Variants in TRRAP observed in about 807,000 individuals in gnomAD.
TRRAP encodes transformation/transcription domain-associated protein.
TRRAP carries 41 observed loss-of-function variants against 438.8 expected under a neutral mutation model. The ratio of observed to expected loss-of-function variants is 0.09; its 90% CI spans 0.07 to 0.12. The LOEUF is 0.12. Ranked by LOEUF, TRRAP falls within the 10% of genes least tolerant of loss-of-function variation. The probability of loss-of-function intolerance (pLI) is 1.00; values close to 1 mark genes in which losing one functional copy is unlikely to be tolerated. For synonymous variants in TRRAP, 1,994 were observed against 1,962.9 expected (o/e 1.02, Z -0.42); for missense variants, 3,122 against 5,055.1 (o/e 0.62, Z 11.60).
chr7:98,950,711 A>C (rs1554418057), intron 38 of TRRAP, among the ~76,000 whole-genome samples, 165 bp from the exon 39 acceptor site: 1 of 152,186 alleles, frequency 6.6e-6, no homozygotes, highest in African/African-American at 2.4e-5. Context: ...TTTTTAACCT[A>C]CCTTTCTAGT....
rs781936104 is a variant in TRRAP, at chr7:98,945,856, CCTTTT to C, written c.4528-53_4528-49del. The C allele has an allele frequency of 4.6e-4, 721 of 1,570,742 alleles. 1 individual carries two copies. Among genetic ancestry groups the C allele is most frequent in the African/African-American group, 5.3e-4 (39 of 73,210 alleles). On this transcript the variant is annotated intron_variant, in intron 32 of 72. Transcript: ENST00000456197. ...GACTTGCAATGTGAAGAAAAGTTTA[CCTTTT>C]CTTTTCTTTTCTTTTCTTTTTACCT...
Position 98,958,067 on chromosome 7 carries a change from C to A in TRRAP, c.6318C>A (p.Asn2106Lys), listed in dbSNP as rs1791707744. The A allele has an allele frequency of 1.2e-6, 2 of 1,614,052 alleles. No individual in the cohort carries two copies. Among genetic ancestry groups the A allele is most frequent in the Non-Finnish European group, 1.7e-6 (2 of 1,180,024 alleles). Residue 2106 changes from asparagine to lysine, a missense_variant, in exon 44 of 73, where the codon AAC (asparagine) becomes AAA (lysine). Physicochemically the swap from Asn to Lys is moderately conservative, Grantham distance 94. Coordinates refer to ENST00000456197, the MANE Select transcript of TRRAP (RefSeq NM_001375524.1). Reference sequence around the variant, plus strand: ...AGCAGCACACAGACACTGTGGTGAACTTCCTTATCCGCGTGGCCTGTCAGG... The same window carrying A: ...AGCAGCACACAGACACTGTGGTGAAATTCCTTATCCGCGTGGCCTGTCAGG... ...IDKQHTDTVV[N>K]FLIRVACQVN...
chr7:98,950,750 A>C (rs1791297018), intron 38 of TRRAP, 126 bp from the exon 39 acceptor site: 2 of 1,154,970 alleles, frequency 1.7e-6, no homozygotes, highest in African/African-American at 3.2e-5. Context: ...CAAGGTTGGT[A>C]GTCACACCCT....
At chr7:98,929,144 A>G (rs1278229680) in intron 23 of TRRAP, among the ~76,000 whole-genome samples, 2 of 151,888 alleles carry the variant, frequency 1.3e-5, no homozygotes, top group African/African-American at 4.8e-5. Context: ...GTTTCACCAC[A>G]TTGGTCAGGC....
intron 52 of TRRAP, among the ~76,000 whole-genome samples, chr7:98,971,420 G>A (rs1472325451): frequency 6.6e-6 from 1 of 152,232 alleles, no homozygotes; most frequent in African/African-American, 2.4e-5. Context: ...CCGTGGCCCT[G>A]AAGGGATTCT....
At chr7:98,911,383 T>G in intron 17 of TRRAP, 112 bp downstream of exon 17, 2 of 1,069,160 alleles carry the variant, frequency 1.9e-6, no homozygotes, top group Non-Finnish European at 2.6e-6. Flanking sequence ...AAGGATGTGC[T>G]TATAGCTCAA....
rs1317439055 is a variant in TRRAP, at chr7:98,912,010, T to C, written c.2008-12T>C. The stretch of plus-strand genomic sequence containing the variant: ...GGGATTAATTTTTCACATGTGTTTC[T>C]TGTATTGACAGATTGTTGCCAATTC... On this transcript the variant is annotated splice_polypyrimidine_tract_variant and intron_variant, in intron 17 of 72. Transcript: ENST00000456197. The C allele has an allele frequency of 1.2e-6, 2 of 1,606,292 alleles. No homozygotes were observed. Among genetic ancestry groups the C allele is most frequent in the Non-Finnish European group, 1.7e-6 (2 of 1,175,480 alleles).
chr7:98,898,011 C>A, intron 8 of TRRAP, 145 bp downstream of exon 8: 1 of 1,352,570 alleles, frequency 7.4e-7, no homozygotes, highest in Non-Finnish European at 1.0e-6. Context: ...TCCTTCTCTG[C>A]AGCCTGGGAG....
intron 53 of TRRAP, among the ~76,000 whole-genome samples, chr7:98,975,582 C>G (rs1308758565): frequency 1.3e-5 from 2 of 152,230 alleles, no homozygotes; most frequent in Non-Finnish European, 2.9e-5. Context: ...ACTTCGGGCT[C>G]TAGTTGTCCA....
intron 40 of TRRAP, 39 bp from the exon 41 acceptor site, chr7:98,955,059 T>C: frequency 3.2e-6 from 5 of 1,577,822 alleles, no homozygotes; most frequent in Non-Finnish European, 4.3e-6. Context: ...CTTAAAGCCT[T>C]CCTTCTCATC....
Position 98,956,494 on chromosome 7 carries a change from A to G in TRRAP, c.6192A>G (p.Glu2064=). 2 of 1,614,230 alleles carry G rather than the reference A, an allele frequency of 1.2e-6. No individual in the cohort carries two copies. Among genetic ancestry groups the G allele is most frequent in the African/African-American group, 1.3e-5 (1 of 75,072 alleles). The change falls in exon 43 of 73, where the codon GAA becomes GAG. Residue 2064 remains glutamate (E), a synonymous_variant. Transcript: ENST00000456197. The surrounding 1 kb of genome is among the most constrained non-coding windows in gnomAD (Gnocchi z 4.5). ...KRGLSVDSAQ[E]VKRFRTATGA... Reference sequence around the variant, plus strand: ...GCCTGTCCGTGGATTCTGCCCAGGAAGTGAAACGCTTTAGGACGGCCACCG... The same window carrying G: ...GCCTGTCCGTGGATTCTGCCCAGGAGGTGAAACGCTTTAGGACGGCCACCG...
At chr7:98,973,328 G>GC (rs1347732062) in intron 53 of TRRAP, among the ~76,000 whole-genome samples, 1 of 152,146 alleles carries the variant, frequency 6.6e-6, no homozygotes, top group Non-Finnish European at 1.5e-5. Context: ...ATGTCCTGAA[G>GC]CCCAAGGCCT....
At chr7:98,880,799 T>C (rs1331073385) in intron 1 of TRRAP, among the ~76,000 whole-genome samples, 1 of 152,184 alleles carries the variant, frequency 6.6e-6, no homozygotes, top group Non-Finnish European at 1.5e-5. Context: ...CCACAAAGAT[T>C]AAAATATCTA....
At chr7:98,941,957 A>C (rs141029859) in intron 30 of TRRAP, among the ~76,000 whole-genome samples, 1 of 152,324 alleles carries the variant, frequency 6.6e-6, no homozygotes, top group African/African-American at 2.4e-5. Context: ...TTACTATGGA[A>C]ACCTTTTTAA....
At chr7:98,978,937 C>T (rs1792788085) in intron 58 of TRRAP, 33 bp downstream of exon 58, 1 of 1,611,200 alleles carries the variant, frequency 6.2e-7, no homozygotes, top group Non-Finnish European at 8.5e-7. Context: ...CTGCCGCTGC[C>T]TGGGTCCCTT....
intron 5 of TRRAP, among the ~76,000 whole-genome samples, chr7:98,893,531 C>T (rs1158116440): frequency 6.6e-6 from 1 of 152,184 alleles, no homozygotes; most frequent in African/African-American, 2.4e-5. Flanking sequence ...GTCATTTGGG[C>T]CATGAAGTCC....
intron 31 of TRRAP, among the ~76,000 whole-genome samples, chr7:98,944,806 C>T (rs982493959): frequency 6.6e-6 from 1 of 152,092 alleles, no homozygotes; most frequent in Non-Finnish European, 1.5e-5. Flanking sequence ...AAGCTGCCCT[C>T]GAGCATTTTT....
At chr7:98,884,557 G>C (rs1298458108) in intron 3 of TRRAP, among the ~76,000 whole-genome samples, 1 of 152,148 alleles carries the variant, frequency 6.6e-6, no homozygotes, top group Non-Finnish European at 1.5e-5. Flanking sequence ...CTTAAAGCAG[G>C]TACATTGTGG....
chr7:98,957,868 C>T (rs1317094864), intron 43 of TRRAP, 113 bp from the exon 44 acceptor site: 1 of 862,934 alleles, frequency 1.2e-6, no homozygotes, highest in African/African-American at 1.7e-5. Flanking sequence ...GCGCCCAGAG[C>T]TGCCTCTGTC....
Sources: gnomAD v4.1 joint callset for allele counts (sites outside exome capture counted in the v4.1 genomes callset) on GRCh38, gnomAD v4.1.1 for gene constraint, Gnocchi (gnomAD v3.1) non-coding constraint, MANE v1.5 for transcripts, NCBI Gene and HGNC (gene_info 2026-07-23, HGNC 2026-07-21) for gene names.